The following GPC6 variants were observed in gnomAD, a reference collection of about 807,000 sequenced individuals.
The protein encoded by GPC6 is glypican 6.
Under a neutral mutation model 55.2 loss-of-function variants are expected in GPC6, and 14 were observed. The observed-to-expected ratio is 0.25, with a 90% CI of 0.17 to 0.40. The LOEUF (loss-of-function observed/expected upper bound fraction) is 0.40, where lower values mean the gene tolerates loss of function less well. Among genes scored for constraint, GPC6 ranks in the 10% least tolerant of loss-of-function variants. The probability of loss-of-function intolerance (pLI) is 1.00; values close to 1 mark genes in which losing one functional copy is unlikely to be tolerated. For synonymous variants in GPC6, 278 were observed against 259.6 expected, an observed-to-expected ratio of 1.07 and a Z score of -0.68; for missense variants, 641 against 708.5, an observed-to-expected ratio of 0.90 and a Z score of 1.08.
At chr13:94,272,434 C>CTTCT (rs1321684863) in intron 4 of GPC6, among the ~76,000 whole-genome samples, 1 of 140,478 alleles carries the variant, frequency 7.1e-6, no homozygotes. Context: ...ACTGGTCCTG[C>CTTCT]TTCTTTTTCT....
At chr13:93,828,264 A>G (rs998868201) in intron 2 of GPC6, among the ~76,000 whole-genome samples, 20 of 152,054 alleles carry the variant, frequency 1.3e-4, no homozygotes, top group African/African-American at 4.6e-4. Flanking sequence ...TTCTTTCACA[A>G]TCTGTTACGC....
chr13:93,523,322 GAT>G (rs201062834), intron 1 of GPC6, among the ~76,000 whole-genome samples: 3 of 147,502 alleles, frequency 2.0e-5, no homozygotes, highest in Non-Finnish European at 3.0e-5. Flanking sequence ...TTTAAAAGAG[GAT>G]ATATATATGC....
chr13:93,456,288 A>G (rs888360306), intron 1 of GPC6, among the ~76,000 whole-genome samples: 10 of 152,326 alleles, frequency 6.6e-5, no homozygotes, highest in African/African-American at 2.2e-4. Context: ...AAGTTGAATG[A>G]ACTTTCTCGT....
chr13:93,661,008 C>T (rs563926014), intron 2 of GPC6, among the ~76,000 whole-genome samples: 33 of 152,248 alleles, frequency 2.2e-4, no homozygotes, highest in African/African-American at 7.7e-4. Flanking sequence ...AGCAGACTAT[C>T]ATTGGATCCT....
intron 3 of GPC6, among the ~76,000 whole-genome samples, chr13:93,885,718 A>G (rs879077464): frequency 3.5e-4 from 53 of 152,142 alleles, no homozygotes; most frequent in Middle Eastern, 3.4e-3. Flanking sequence ...TTACATGCCA[A>G]TTTAGCCAAA....
At chr13:93,607,083 G>A (rs1878264976) in intron 2 of GPC6, among the ~76,000 whole-genome samples, 1 of 152,088 alleles carries the variant, frequency 6.6e-6, no homozygotes, top group African/African-American at 2.4e-5. Context: ...CAGACAGAAT[G>A]TCTTAGAAAT....
intron 3 of GPC6, among the ~76,000 whole-genome samples, chr13:93,937,064 G>A (rs1243363512): frequency 2.6e-5 from 4 of 152,176 alleles, no homozygotes; most frequent in Non-Finnish European, 5.9e-5. Context: ...AGAGAGAAAG[G>A]AAGGCATTTG....
At chr13:93,804,257 C>T (rs536518944) in intron 2 of GPC6, among the ~76,000 whole-genome samples, 23 of 152,220 alleles carry the variant, frequency 1.5e-4, no homozygotes, top group African/African-American at 5.5e-4. Context: ...TTTAATAATT[C>T]TCTTTAAAAG....
intron 1 of GPC6, among the ~76,000 whole-genome samples, chr13:93,284,347 C>CT (rs915177609): frequency 7.2e-5 from 11 of 152,216 alleles, no homozygotes; most frequent in Non-Finnish European, 1.6e-4. Flanking sequence ...CCTTTAAGTC[C>CT]TTTTAGAGGC....
chr13:93,874,433 T>G (rs1318623797), intron 3 of GPC6, among the ~76,000 whole-genome samples: 1 of 151,848 alleles, frequency 6.6e-6, no homozygotes, highest in Non-Finnish European at 1.5e-5. Context: ...CCATATTTTC[T>G]TTATGCAATC....
chr13:93,929,376 G>A (rs1594596080), intron 3 of GPC6, among the ~76,000 whole-genome samples: 1 of 152,100 alleles, frequency 6.6e-6, no homozygotes, highest in East Asian at 1.9e-4. Flanking sequence ...TGTTGTTGTT[G>A]ATAATACATT....
intron 2 of GPC6, among the ~76,000 whole-genome samples, chr13:93,605,320 A>G (rs1878192186): frequency 6.6e-6 from 1 of 152,214 alleles, no homozygotes; most frequent in Non-Finnish European, 1.5e-5. Context: ...GGAAAGTTTT[A>G]AAACAATGTC....
At chr13:93,427,212 G>T (rs557290746) in intron 1 of GPC6, among the ~76,000 whole-genome samples, 1 of 152,008 alleles carries the variant, frequency 6.6e-6, no homozygotes, top group Non-Finnish European at 1.5e-5. Context: ...TCTCCATCAA[G>T]CTACCAATGA....
chr13:93,668,069 G>T (rs1416791516), intron 2 of GPC6, among the ~76,000 whole-genome samples: 1 of 151,996 alleles, frequency 6.6e-6, no homozygotes, highest in Non-Finnish European at 1.5e-5. Flanking sequence ...TTATGATTTT[G>T]CCACATTTTC....
intron 4 of GPC6, among the ~76,000 whole-genome samples, chr13:94,109,260 G>A (rs2138837310): frequency 6.6e-6 from 1 of 152,288 alleles, no homozygotes. Flanking sequence ...TTACAAGGAT[G>A]ACAGAATTCT....
chr13:93,724,297 G>T (rs1157993042), intron 2 of GPC6, among the ~76,000 whole-genome samples: 1 of 151,784 alleles, frequency 6.6e-6, no homozygotes, highest in Non-Finnish European at 1.5e-5. Context: ...TGTTCTTCTT[G>T]ATTCATCATT....
chr13:93,637,192 G>C (rs755757643), intron 2 of GPC6, among the ~76,000 whole-genome samples: 1 of 152,144 alleles, frequency 6.6e-6, no homozygotes, highest in Non-Finnish European at 1.5e-5. Context: ...GTGAGAAGGG[G>C]AGGTATGTGT....
intron 2 of GPC6, among the ~76,000 whole-genome samples, chr13:93,695,738 A>G (rs865991051): frequency 1.3e-5 from 2 of 152,098 alleles, no homozygotes; most frequent in Non-Finnish European, 2.9e-5. Flanking sequence ...AATCAACTCA[A>G]GCTTTTTCAA....
intron 2 of GPC6, among the ~76,000 whole-genome samples, chr13:93,622,170 C>A (rs974282290): frequency 3.9e-5 from 6 of 152,152 alleles, no homozygotes; most frequent in Non-Finnish European, 7.3e-5. Context: ...CACAGTTGTA[C>A]ATATTGCATC....
Sources: allele counts gnomAD v4.1 joint callset (sites outside exome capture counted in the v4.1 genomes callset), GRCh38; gene constraint gnomAD v4.1.1; transcripts MANE v1.5; gene names NCBI Gene and HGNC (gene_info 2026-07-23, HGNC 2026-07-21).